The following KCNMB2 variants were observed in gnomAD, a reference collection of about 807,000 sequenced individuals.
KCNMB2 encodes the protein calcium-activated potassium channel subunit beta-2.
Under a neutral mutation model 24.5 loss-of-function variants are expected in KCNMB2, and 9 were observed. That is an observed-to-expected ratio of 0.37 (90% CI 0.22 to 0.64). KCNMB2 has a LOEUF of 0.64. KCNMB2 is among the 30% of genes least tolerant of loss of function. The pLI, the probability that KCNMB2 is intolerant of heterozygous loss-of-function variation, is 0.63. For synonymous variants in KCNMB2, 109 were observed against 104.4 expected (o/e 1.04, Z -0.27); for missense variants, 226 against 284.3 (o/e 0.79, Z 1.47).
chr3:178,818,373 C>T (rs1290472403), intron 2 of KCNMB2, among the ~76,000 whole-genome samples: 1 of 152,116 alleles, frequency 6.6e-6, no homozygotes, highest in African/African-American at 2.4e-5. Context: ...CAACCCAACA[C>T]CTAGGTATTA....
intron 1 of KCNMB2, among the ~76,000 whole-genome samples, chr3:178,607,960 G>A (rs1220691367): frequency 4.6e-5 from 7 of 152,094 alleles, no homozygotes; most frequent in African/African-American, 1.7e-4. Context: ...AAATTTTAAT[G>A]TTTAGGAGAC....
intron 1 of KCNMB2, among the ~76,000 whole-genome samples, chr3:178,565,044 A>G (rs1716469534): frequency 6.6e-6 from 1 of 152,156 alleles, no homozygotes; most frequent in African/African-American, 2.4e-5. Context: ...TAGTATAAAA[A>G]TCAAAAATAC....
chr3:178,700,006 G>A (rs1455607494), intron 1 of KCNMB2, among the ~76,000 whole-genome samples: 4 of 152,328 alleles, frequency 2.6e-5, no homozygotes, highest in Middle Eastern at 3.4e-3. Flanking sequence ...AATGGCCCAT[G>A]CAAGGTCGGT....
chr3:178,793,085 C>T (rs149057933), intron 1 of KCNMB2, among the ~76,000 whole-genome samples: 8 of 152,324 alleles, frequency 5.3e-5, no homozygotes, highest in African/African-American at 1.9e-4. Context: ...CATGGAGTCA[C>T]TCAATCCTTG....
At chr3:178,755,557 T>C (rs1053748206) in intron 1 of KCNMB2, among the ~76,000 whole-genome samples, 4 of 152,202 alleles carry the variant, frequency 2.6e-5, no homozygotes, top group South Asian at 4.1e-4. Context: ...AAAATGTCAA[T>C]GTTATTGCTA....
At chr3:178,671,623 T>C (rs4478059) in intron 1 of KCNMB2, among the ~76,000 whole-genome samples, 48,101 of 151,884 alleles carry the variant, frequency 0.32, 8,113 homozygotes, top group African/African-American at 0.43. Context: ...AGTCAAAAGG[T>C]TGAGGGGCTT....
rs1273371430 is a variant in KCNMB2 at position 178,833,939 on chromosome 3, T to A, written c.423+5566T>A. Among the ~76,000 whole-genome samples the A allele has an allele frequency of 2.6e-5, 4 of 152,234 alleles. No homozygotes were observed. In the East Asian group the frequency reaches 7.7e-4, roughly 29 times the overall value. ...CCTCCCTTGGCTACAAGGCTGTCAC[T>A]AGCATCATAAAAAACAGCAGCTGAG... On this transcript the variant is annotated intron_variant, in intron 4 of 4. Transcript: ENST00000452583.
chr3:178,705,253 G>A (rs2108344842), intron 1 of KCNMB2, among the ~76,000 whole-genome samples: 1 of 152,150 alleles, frequency 6.6e-6, no homozygotes, highest in Middle Eastern at 3.4e-3. Flanking sequence ...CAGTATTGAT[G>A]GAGGGGTGAT....
chr3:178,719,725 T>A (rs561917794), intron 1 of KCNMB2, among the ~76,000 whole-genome samples: 1 of 152,334 alleles, frequency 6.6e-6, no homozygotes, highest in African/African-American at 2.4e-5. Context: ...ATTTTTCTCT[T>A]TAAAAAATAA....
chr3:178,703,353 C>G (rs374391441), intron 1 of KCNMB2, among the ~76,000 whole-genome samples: 5 of 151,948 alleles, frequency 3.3e-5, no homozygotes, highest in African/African-American at 1.2e-4. Flanking sequence ...TTCCATTATT[C>G]CCAAGGCTTT....
intron 1 of KCNMB2, among the ~76,000 whole-genome samples, chr3:178,615,285 T>C (rs1319566806): frequency 6.6e-6 from 1 of 152,162 alleles, no homozygotes; most frequent in African/African-American, 2.4e-5. Flanking sequence ...CTACTGCCTA[T>C]GTTCACTCAA....
At chr3:178,586,432 T>C (rs1717429787) in intron 1 of KCNMB2, among the ~76,000 whole-genome samples, 1 of 152,130 alleles carries the variant, frequency 6.6e-6, no homozygotes, top group Non-Finnish European at 1.5e-5. Flanking sequence ...AAAATAAATC[T>C]TGTGCCTTTA....
intron 1 of KCNMB2, among the ~76,000 whole-genome samples, chr3:178,718,510 A>G (rs1298710990): frequency 6.6e-6 from 1 of 152,240 alleles, no homozygotes; most frequent in African/African-American, 2.4e-5. Context: ...CTCTGGAATC[A>G]GAAGATCTGA....
intron 1 of KCNMB2, among the ~76,000 whole-genome samples, chr3:178,644,978 T>C (rs1015748708): frequency 1.3e-5 from 2 of 152,032 alleles, no homozygotes; most frequent in African/African-American, 4.8e-5. Context: ...AAGACATAGG[T>C]ACTTGTTTTT....
intron 1 of KCNMB2, among the ~76,000 whole-genome samples, chr3:178,621,644 AT>A (rs1342258685): frequency 1.3e-4 from 20 of 152,254 alleles, no homozygotes; most frequent in Middle Eastern, 3.4e-3. Context: ...ATTATAATCA[AT>A]AGCTAAAAAA....
At chr3:178,638,908 A>G (rs1285757103) in intron 1 of KCNMB2, among the ~76,000 whole-genome samples, 1 of 152,106 alleles carries the variant, frequency 6.6e-6, no homozygotes, top group African/African-American at 2.4e-5. Flanking sequence ...TGTTAAATAG[A>G]TTTTTTAAAC....
chr3:178,794,321 T>C (rs1713447342), intron 1 of KCNMB2, among the ~76,000 whole-genome samples: 1 of 152,048 alleles, frequency 6.6e-6, no homozygotes, highest in Non-Finnish European at 1.5e-5. Context: ...AGACCGGCTG[T>C]CCCCTCTATC....
chr3:178,831,151 T>C (rs138515138), intron 4 of KCNMB2, among the ~76,000 whole-genome samples: 162 of 152,312 alleles, frequency 1.1e-3, no homozygotes, highest in Middle Eastern at 6.8e-3. Context: ...TCCAGTCCAT[T>C]TTTGAAGAGA....
At chr3:178,743,902 G>A (rs1220924262) in intron 1 of KCNMB2, among the ~76,000 whole-genome samples, 1 of 152,192 alleles carries the variant, frequency 6.6e-6, no homozygotes, top group Non-Finnish European at 1.5e-5. Context: ...GAGAGGCATT[G>A]TTTGAAGAGA....
Sources: allele counts gnomAD v4.1 joint callset (sites outside exome capture counted in the v4.1 genomes callset), GRCh38; gene constraint gnomAD v4.1.1; transcripts MANE v1.5; gene names NCBI Gene and HGNC (gene_info 2026-07-23, HGNC 2026-07-21).